The following COBL variants were observed in gnomAD, a reference collection of about 807,000 sequenced individuals.
The protein encoded by COBL is cordon-bleu WH2 repeat protein, also known as protein cordon-bleu.
Under a neutral mutation model 98.8 loss-of-function variants are expected in COBL, and 51 were observed. The observed-to-expected ratio is 0.52, with a 90% CI of 0.41 to 0.65. The LOEUF (loss-of-function observed/expected upper bound fraction) is 0.65. Among genes scored for constraint, COBL ranks in the 30% least tolerant of loss-of-function variants. The pLI is 0.00. For missense variants in COBL, 1,617 were observed against 1,617.5 expected, an observed-to-expected ratio of 1.00 and a Z score of 0.01; for synonymous variants, 634 against 651.7, an observed-to-expected ratio of 0.97 and a Z score of 0.41.
chr7:51,206,266 T>C (rs145130046), intron 2 of COBL, among the ~76,000 whole-genome samples: 6,179 of 152,002 alleles, frequency 0.041, 336 homozygotes, highest in South Asian at 0.15. Context: ...CCAAGGTGGG[T>C]GGATCACCTG....
intron 5 of COBL, among the ~76,000 whole-genome samples, chr7:51,164,840 A>T (rs1787141891): frequency 6.6e-6 from 1 of 152,148 alleles, no homozygotes; most frequent in African/African-American, 2.4e-5. Context: ...ATAAGATATA[A>T]ATAGAAACAA....
At chr7:51,062,736 A>C (rs1294411744) in intron 7 of COBL, among the ~76,000 whole-genome samples, 1 of 152,180 alleles carries the variant, frequency 6.6e-6, no homozygotes, top group Non-Finnish European at 1.5e-5. Context: ...CATCTGAGGA[A>C]GCTCTCAGCC....
At chr7:51,256,919 T>C (rs1797247959) in intron 1 of COBL, among the ~76,000 whole-genome samples, 1 of 152,182 alleles carries the variant, frequency 6.6e-6, no homozygotes, top group Admixed American at 6.5e-5. Flanking sequence ...GAGCTAAGGA[T>C]TCCTTTACTA....
intron 1 of COBL, among the ~76,000 whole-genome samples, chr7:51,307,480 C>T (rs759155443): frequency 6.6e-6 from 1 of 152,222 alleles, no homozygotes; most frequent in African/African-American, 2.4e-5. Flanking sequence ...TCTCCTATCT[C>T]TGTCAGCTAG....
At chr7:51,299,936 G>A (rs1801771498) in intron 1 of COBL, among the ~76,000 whole-genome samples, 1 of 152,176 alleles carries the variant, frequency 6.6e-6, no homozygotes, top group South Asian at 2.1e-4. Flanking sequence ...GTCTGCAGAT[G>A]CTCACTCCTA....
At chr7:51,252,726 G>C (rs892403444) in intron 1 of COBL, among the ~76,000 whole-genome samples, 5 of 152,104 alleles carry the variant, frequency 3.3e-5, no homozygotes, top group African/African-American at 1.2e-4. Context: ...AGCAGGAGGG[G>C]TTCAATTTAA....
chr7:51,073,666 A>C (rs148088411), intron 7 of COBL, among the ~76,000 whole-genome samples: 1 of 152,076 alleles, frequency 6.6e-6, no homozygotes, highest in Non-Finnish European at 1.5e-5. Flanking sequence ...TTGCCACATA[A>C]AATTATTTGG....
intron 1 of COBL, among the ~76,000 whole-genome samples, chr7:51,276,941 AG>A (rs1799362570): frequency 6.6e-6 from 1 of 152,170 alleles, no homozygotes; most frequent in African/African-American, 2.4e-5. Flanking sequence ...AATGTAGGAG[AG>A]GGCACCACAG....
chr7:51,089,121 T>C (rs534358302), intron 6 of COBL, among the ~76,000 whole-genome samples: 34 of 152,246 alleles, frequency 2.2e-4, no homozygotes, highest in Admixed American at 3.9e-4. Context: ...GTGCCCCAAA[T>C]TCCTGAGTGT....
chr7:51,188,093 A>G (rs1584104540), intron 4 of COBL: 2 of 681,784 alleles, frequency 2.9e-6, no homozygotes, highest in Non-Finnish European at 4.1e-6. Context: ...TTGCTGGGTC[A>G]GCTTGCCTCT....
chr7:51,086,500 A>G (rs1043592385), intron 6 of COBL, among the ~76,000 whole-genome samples: 10 of 152,014 alleles, frequency 6.6e-5, no homozygotes. Flanking sequence ...CATCATAGGA[A>G]TGGTGCCTGC....
intron 9 of COBL, 89 bp from the exon 10 acceptor site, chr7:51,029,680 T>G: frequency 9.7e-7 from 1 of 1,031,828 alleles, no homozygotes; most frequent in Non-Finnish European, 1.4e-6. Context: ...TCCCTGAGGT[T>G]ACTTTTGAAT....
At chr7:51,186,261 C>G (rs2129053485) in intron 4 of COBL, among the ~76,000 whole-genome samples, 1 of 152,322 alleles carries the variant, frequency 6.6e-6, no homozygotes, top group South Asian at 2.1e-4. Flanking sequence ...GATGGGGTTA[C>G]ACTTTCAGTT....
chr7:51,054,465 T>C (rs1790533681), intron 7 of COBL, among the ~76,000 whole-genome samples: 1 of 152,156 alleles, frequency 6.6e-6, no homozygotes, highest in East Asian at 1.9e-4. Context: ...TGTTGGGAGA[T>C]GGCCATGTTT....
intron 2 of COBL, among the ~76,000 whole-genome samples, chr7:51,205,172 C>T (rs933364250): frequency 6.6e-6 from 1 of 152,096 alleles, no homozygotes; most frequent in African/African-American, 2.4e-5. Context: ...AATGCAAAAA[C>T]TCATAAAGAA....
rs533809773 is a variant in COBL at position 51,195,907 on chromosome 7, T to C, written c.246-2318A>G. 3.9e-5 allele frequency among the ~76,000 whole-genome samples: 6 copies of C among 152,310 alleles called. No homozygotes were observed. The South Asian group carries it at 1.0e-3, about 26-fold the overall frequency. On this transcript the variant is annotated intron_variant, in intron 2 of 12. Coordinates refer to ENST00000265136, the MANE Select transcript of COBL (RefSeq NM_015198.5). ...TTAAGAAGCTTTAGGGCCAAGACTATAGGGTGTTCTAGATATAGGATCATA... is the reference window on the plus strand; with the variant it reads ...TTAAGAAGCTTTAGGGCCAAGACTACAGGGTGTTCTAGATATAGGATCATA...
At chr7:51,062,291 C>CTCTT (rs746206500) in intron 7 of COBL, among the ~76,000 whole-genome samples, 1 of 151,836 alleles carries the variant, frequency 6.6e-6, no homozygotes, top group Admixed American at 6.6e-5. Flanking sequence ...CTCTCTCTCT[C>CTCTT]TTTAATTTGC....
chr7:51,099,868 T>C (rs1261697376), intron 6 of COBL, among the ~76,000 whole-genome samples: 3 of 152,232 alleles, frequency 2.0e-5, no homozygotes, highest in Non-Finnish European at 4.4e-5. Context: ...ATTTTTTCTG[T>C]TAATACCTAC....
chr7:51,085,273 T>C lies in COBL; in HGVS notation c.989A>G (p.Lys330Arg). 6.3e-7 allele frequency: 1 copy of C among 1,580,542 alleles called. No individual in the cohort carries two copies. Among genetic ancestry groups the C allele is most frequent in the South Asian group, 1.1e-5 (1 of 89,766 alleles). Residue 330 changes from lysine (K) to arginine (R), a missense_variant, in exon 7 of 13, where the codon AAG becomes AGG. By Grantham distance (26) the Lys-to-Arg change is conservative (BLOSUM62 2). Around this residue, in one of 3 missense-constraint regions of COBL, gnomAD observed 1,304 missense variants for 1,282.0 expected, o/e 1.02. Transcript: ENST00000265136. ...GGGAGCTGGCGCTCGCCGCTTCTTC[T>C]TCTGTAAATCAATCTGTGACCCAAG... ...VSLGSQIDLQ[K>R]KKRRAPAPPP...
Sources: allele counts gnomAD v4.1 joint callset (sites outside exome capture counted in the v4.1 genomes callset), GRCh38; gene constraint gnomAD v4.1.1; regional missense constraint gnomAD v4.1.1; transcripts MANE v1.5; gene names NCBI Gene and HGNC (gene_info 2026-07-23, HGNC 2026-07-21).